RRP12: variants seen among roughly 807,000 people sequenced by gnomAD.
RRP12 encodes RRP12-like protein.
Under a neutral mutation model 157.3 loss-of-function variants are expected in RRP12, and 78 were observed. The ratio of observed to expected loss-of-function variants is 0.50; its 90% CI spans 0.41 to 0.60. The LOEUF is 0.60. Among genes scored for constraint, RRP12 ranks in the 20% least tolerant of loss-of-function variants. The pLI is 0.00. For synonymous variants in RRP12, 726 were observed against 670.9 expected, an observed-to-expected ratio of 1.08 and a Z score of -1.27; for missense variants, 1,521 against 1,679.9, an observed-to-expected ratio of 0.91 and a Z score of 1.65.
Position 97,388,479 on chromosome 10 carries a change from G to A in RRP12, c.889+10C>T. 1 of 1,613,984 alleles carries A rather than the reference G, an allele frequency of 6.2e-7. No individual in the cohort carries two copies. Among genetic ancestry groups the A allele is most frequent in the Non-Finnish European group, 8.5e-7 (1 of 1,179,886 alleles). ...CTCCCATCCACCTGCCCTCCATTTG[G>A]GTTCCCCACCTCCAGACTTCTCAAT... On this transcript the variant is annotated intron_variant, in intron 7 of 33. Transcript: ENST00000370992.
At chr10:97,384,478 T>G (rs1434273413) in intron 10 of RRP12, among the ~76,000 whole-genome samples, 1 of 97,888 alleles carries the variant, frequency 1.0e-5, no homozygotes, top group Non-Finnish European at 2.1e-5. Context: ...CCCTAAGGAT[T>G]CCCCCACTTT....
chr10:97,366,732 A>G lies in RRP12; in HGVS notation c.3215+10T>C, dbSNP rs753448533. The G allele has an allele frequency of 1.9e-6, 3 of 1,611,624 alleles. No homozygotes were observed. Among genetic ancestry groups the G allele is most frequent in the East Asian group, 4.5e-5 (2 of 44,828 alleles). On this transcript the variant is annotated intron_variant, in intron 27 of 33. Coordinates refer to ENST00000370992, the MANE Select transcript of RRP12 (RefSeq NM_015179.4). ...GGACACCGGGTCCCATGGCCCTAAC[A>G]TGGTCTCACCTGTCACCTTTGCCCT...
rs1589446350 is a variant in RRP12 at position 97,400,283 on chromosome 10, C to T, written c.369+22G>A. On this transcript the variant is annotated intron_variant, in intron 2 of 33. Coordinates refer to ENST00000370992, the MANE Select transcript of RRP12 (RefSeq NM_015179.4). ...TTGGCCTCTCCTCACTATCCTATGG[C>T]CCTCCCGACCCTCGCCCCTACCTCC... The T allele has an allele frequency of 8.2e-6, 13 of 1,586,212 alleles. No individual in the cohort carries two copies. In the East Asian group the frequency reaches 2.9e-4, roughly 35 times the overall value.
chr10:97,367,215 G>A, intron 25 of RRP12, 83 bp from the exon 26 acceptor site: 1 of 1,183,748 alleles, frequency 8.4e-7, no homozygotes, highest in Non-Finnish European at 1.2e-6. Flanking sequence ...CAGGGACGCA[G>A]CATGATCAAG....
At chr10:97,357,949 C>T (rs1395514972) in intron 33 of RRP12, among the ~76,000 whole-genome samples, 4 of 144,036 alleles carry the variant, frequency 2.8e-5, no homozygotes, top group African/African-American at 1.0e-4. Context: ...GGTGACACAG[C>T]GAGACTCCGT....
chr10:97,400,013 C>T (rs1845094726), intron 2 of RRP12, among the ~76,000 whole-genome samples: 1 of 152,180 alleles, frequency 6.6e-6, no homozygotes, highest in African/African-American at 2.4e-5. Flanking sequence ...CATTTATTTA[C>T]TCAACATATG....
intron 25 of RRP12, among the ~76,000 whole-genome samples, chr10:97,368,410 T>C (rs922710295): frequency 2.6e-5 from 4 of 151,570 alleles, no homozygotes; most frequent in African/African-American, 9.7e-5. Context: ...CAGGCTGGAG[T>C]GTAGTGGTGC....
At chr10:97,375,027 C>T (rs4917768) in intron 15 of RRP12, among the ~76,000 whole-genome samples, 4,986 of 152,130 alleles carry the variant, frequency 0.033, 119 homozygotes, top group Non-Finnish European at 0.048. Context: ...GGATATAAAC[C>T]GTGTCTGTTC....
intron 30 of RRP12, 139 bp from the exon 31 acceptor site, chr10:97,360,757 G>A (rs1158628931): frequency 5.8e-6 from 4 of 687,868 alleles, no homozygotes; most frequent in African/African-American, 1.8e-5. Flanking sequence ...CTTACAGATG[G>A]GGAAACTAAG....
At chr10:97,361,314 C>T (rs764123332) in intron 30 of RRP12, among the ~76,000 whole-genome samples, 2 of 152,222 alleles carry the variant, frequency 1.3e-5, no homozygotes, top group South Asian at 2.1e-4. Context: ...AGCCCGACAG[C>T]GGCCCCAGCC....
In RRP12 at chr10:97,366,839, C is replaced by G. The variant is rs749422841; in HGVS notation, c.3118G>C (p.Ala1040Pro). 3.7e-6 allele frequency: 6 copies of G among 1,614,192 alleles called. No homozygotes were observed. The highest frequency in any genetic ancestry group is 4.2e-6 in the Non-Finnish European group (5 of 1,180,046). The change falls in exon 27 of 34, where the codon GCC (alanine) becomes CCC (proline). Residue 1040 changes from alanine to proline, a missense_variant. Ala to Pro is a conservative substitution (Grantham distance 27, BLOSUM62 -1). Transcript: ENST00000370992. ...AGGGCTCGGTGCCTCTTGGCCCGGG[C>G]CTCAGCTTTCCGGATGTTGACCAGG... ...RVLVNIRKAE[A>P]RAKRHRALSQ...
intron 25 of RRP12, among the ~76,000 whole-genome samples, chr10:97,368,510 A>G (rs1376057661): frequency 2.7e-5 from 4 of 149,138 alleles, no homozygotes; most frequent in Non-Finnish European, 4.4e-5. Flanking sequence ...GGCACCTGCC[A>G]CCTCGCCCAG....
intron 23 of RRP12, 90 bp from the exon 24 acceptor site, chr10:97,370,364 G>T: frequency 7.3e-7 from 1 of 1,362,444 alleles, no homozygotes; most frequent in East Asian, 2.4e-5. Flanking sequence ...CCCAGGGCCA[G>T]GGCACAGAGC....
intron 30 of RRP12, among the ~76,000 whole-genome samples, chr10:97,362,649 G>A (rs965247693): frequency 1.3e-5 from 2 of 152,156 alleles, no homozygotes; most frequent in African/African-American, 4.8e-5. Context: ...GGCGCAGAGA[G>A]GGGCAGGAGG....
At chr10:97,362,493 C>T (rs1024863086) in intron 30 of RRP12, among the ~76,000 whole-genome samples, 10 of 152,208 alleles carry the variant, frequency 6.6e-5, no homozygotes, top group African/African-American at 2.4e-4. Flanking sequence ...CAGTCTGGGC[C>T]CAGACACACG....
rs1377504454 is a variant in RRP12 at position 97,396,309 on chromosome 10, G to A, written c.370-8C>T. Reference sequence around the variant, plus strand: ...AGCCAGAACAGCACAGATCTGCACAGGAGGGAGAAAGCACTGTGACTATTT... The same window carrying A: ...AGCCAGAACAGCACAGATCTGCACAAGAGGGAGAAAGCACTGTGACTATTT... On this transcript the variant is annotated splice_polypyrimidine_tract_variant and splice_region_variant and intron_variant, in intron 2 of 33. Transcript: ENST00000370992. 1 of 1,611,838 alleles carries A rather than the reference G, an allele frequency of 6.2e-7. No homozygotes were observed. Among genetic ancestry groups the A allele is most frequent in the Non-Finnish European group, 8.5e-7 (1 of 1,177,970 alleles).
At chr10:97,386,019 A>G (rs1399540165) in intron 8 of RRP12, 26 bp from the exon 9 acceptor site, 1 of 1,500,486 alleles carries the variant, frequency 6.7e-7, no homozygotes. Context: ...CAGGCTTAGA[A>G]AGGAACTACA....
intron 10 of RRP12, 51 bp from the exon 11 acceptor site, chr10:97,381,877 G>A (rs749935826): frequency 5.7e-5 from 76 of 1,329,010 alleles, no homozygotes; most frequent in East Asian, 2.8e-4. Context: ...CTGGGGACCC[G>A]GGCAACCAGG....
At chr10:97,364,009 G>T in intron 29 of RRP12, 106 bp from the exon 30 acceptor site, 1 of 966,894 alleles carries the variant, frequency 1.0e-6, no homozygotes, top group Non-Finnish European at 1.7e-6. Flanking sequence ...CACCAACTCC[G>T]GCCCCAGAAA....
Sources: allele counts gnomAD v4.1 joint callset (sites outside exome capture counted in the v4.1 genomes callset), GRCh38; gene constraint gnomAD v4.1.1; transcripts MANE v1.5; gene names NCBI Gene and HGNC (gene_info 2026-07-23, HGNC 2026-07-21).